ZFTRAF1: variants seen among roughly 807,000 people sequenced by gnomAD.
The protein encoded by ZFTRAF1 is zinc finger TRAF-type and ring finger containing 1.
the ZFTRAF1 span, chr8:144,453,826 C>T: frequency 3.1e-5 from 7 of 223,374 alleles, no homozygotes; most frequent in Non-Finnish European, 6.4e-5. Context: ...TTTGGGAGCC[C>T]TCCAGGAACA....
chr8:144,461,789 C>T, the ZFTRAF1 span, among the ~76,000 whole-genome samples: 38 of 152,132 alleles, frequency 2.5e-4, no homozygotes, highest in Admixed American at 1.2e-3. Context: ...GAAAAGGAGG[C>T]GTCCATAGGA....
the ZFTRAF1 span, chr8:144,451,195 G>A: frequency 1.1e-5 from 2 of 174,962 alleles, no homozygotes; most frequent in South Asian, 2.7e-4. Flanking sequence ...GGCGGCTGCG[G>A]CACCCAGCCC....
chr8:144,453,122 A>G, the ZFTRAF1 span: 1 of 1,077,910 alleles, frequency 9.3e-7, no homozygotes, highest in Non-Finnish European at 1.3e-6. Context: ...CAGACAGCAG[A>G]GACAGCCAGA....
the ZFTRAF1 span, chr8:144,457,349 G>A: frequency 2.6e-5 from 4 of 152,174 alleles, no homozygotes; most frequent in African/African-American, 7.2e-5. Context: ...ATGTGCACAG[G>A]TGATGAGTAT....
At chr8:144,452,414 C>A in the ZFTRAF1 span, 1 of 1,550,234 alleles carries the variant, frequency 6.5e-7, no homozygotes, top group Admixed American at 2.0e-5. Flanking sequence ...TGTACAGCTG[C>A]ATCTCCTTGC....
the ZFTRAF1 span, chr8:144,452,598 G>A: frequency 2.6e-6 from 4 of 1,526,574 alleles, no homozygotes; most frequent in African/African-American, 4.1e-5. Flanking sequence ...ATCACTCACA[G>A]ACTGAGCCCC....
chr8:144,455,519 G>C, the ZFTRAF1 span: 1 of 150,052 alleles, frequency 6.7e-6, no homozygotes. Context: ...TCCTGTGGGA[G>C]GCACAGACCA....
At chr8:144,452,920 CAAGCTCCCT>C in the ZFTRAF1 span, among the ~76,000 whole-genome samples, 1 of 152,250 alleles carries the variant, frequency 6.6e-6, no homozygotes, top group Non-Finnish European at 1.5e-5. Context: ...ACCCTCACAC[CAAGCTCCCT>C]GAGGTCCTGC....
chr8:144,450,832 C>A, the ZFTRAF1 span: 1 of 637,672 alleles, frequency 1.6e-6, no homozygotes, highest in Non-Finnish European at 2.9e-6. Flanking sequence ...TGGGCAGCAA[C>A]GCCTTCCCTG....
chr8:144,462,373 C>T, the ZFTRAF1 span: 1 of 468,550 alleles, frequency 2.1e-6, no homozygotes, highest in Non-Finnish European at 3.8e-6. Flanking sequence ...TGCCGGCCGC[C>T]GCCGCCGCCG....
chr8:144,452,447 C>T, the ZFTRAF1 span: 1 of 1,549,762 alleles, frequency 6.5e-7, no homozygotes, highest in Non-Finnish European at 8.7e-7. Context: ...CCATCCCATC[C>T]AGGATCTCCA....
the ZFTRAF1 span, chr8:144,453,974 A>C: frequency 6.4e-6 from 1 of 156,456 alleles, no homozygotes; most frequent in African/African-American, 2.4e-5. Context: ...AGGTGAGAGG[A>C]GGCAGCTGCC....
the ZFTRAF1 span, among the ~76,000 whole-genome samples, chr8:144,461,784 G>A: frequency 5.9e-5 from 9 of 152,208 alleles, no homozygotes; most frequent in East Asian, 1.9e-4. Flanking sequence ...GGGTAGAAAA[G>A]GAGGCGTCCA....
the ZFTRAF1 span, chr8:144,455,951 C>A: frequency 6.6e-6 from 1 of 152,354 alleles, no homozygotes; most frequent in East Asian, 1.9e-4. Flanking sequence ...TCCTTTGGGG[C>A]CTCCAGATCC....
the ZFTRAF1 span, chr8:144,450,777 A>G: frequency 4.3e-6 from 3 of 690,896 alleles, no homozygotes; most frequent in Non-Finnish European, 8.2e-6. Context: ...ACCTCTGTGG[A>G]GACAGACAGG....
At chr8:144,453,516 A>G in the ZFTRAF1 span, 1 of 1,429,136 alleles carries the variant, frequency 7.0e-7, no homozygotes, top group Non-Finnish European at 9.5e-7. Context: ...ATGCTCGCAC[A>G]CACCCGCCCA....
At chr8:144,462,365 CCGG>C in the ZFTRAF1 span, 1 of 483,872 alleles carries the variant, frequency 2.1e-6, no homozygotes, top group South Asian at 3.2e-5. Flanking sequence ...TTTCCCGCTG[CCGG>C]CCGCCGCCGC....
At chr8:144,452,596 C>A in the ZFTRAF1 span, 1 of 1,527,762 alleles carries the variant, frequency 6.5e-7, no homozygotes, top group Non-Finnish European at 8.8e-7. Context: ...ACATCACTCA[C>A]AGACTGAGCC....
the ZFTRAF1 span, chr8:144,450,145 GTCAGCCCAGCC>G: frequency 5.7e-6 from 3 of 526,298 alleles, no homozygotes; most frequent in Non-Finnish European, 1.0e-5. Context: ...TCCTCTTCGG[GTCAGCCCAGCC>G]TCTGGCGGCC....
Sources: allele counts gnomAD v4.1 joint callset (sites outside exome capture counted in the v4.1 genomes callset), GRCh38; gene constraint gnomAD v4.1.1; transcripts MANE v1.5; gene names NCBI Gene and HGNC (gene_info 2026-07-23, HGNC 2026-07-21).